Variants in MAP1B observed in about 807,000 individuals in gnomAD.
MAP1B encodes the protein microtubule-associated protein 1B.
In MAP1B, 12 loss-of-function variants were observed where a neutral mutation model predicts 176.1. The observed-to-expected ratio is 0.07, with a 90% CI of 0.04 to 0.11. The LOEUF (loss-of-function observed/expected upper bound fraction) is 0.11, where lower values mean the gene tolerates loss of function less well. MAP1B is among the 10% of genes least tolerant of loss of function. MAP1B has a pLI of 1.00. For synonymous variants in MAP1B, 1,044 were observed against 1,135.0 expected, an observed-to-expected ratio of 0.92 and a Z score of 1.61; for missense variants, 2,523 against 2,990.5, an observed-to-expected ratio of 0.84 and a Z score of 3.65.
intron 2 of MAP1B, among the ~76,000 whole-genome samples, chr5:72,123,396 T>C (rs1034510453): frequency 6.6e-6 from 1 of 151,612 alleles, no homozygotes; most frequent in East Asian, 1.9e-4. Context: ...CTCTGCCTCC[T>C]GGGATGAAGC....
chr5:72,191,101 C>T (rs1233531914), intron 4 of MAP1B, among the ~76,000 whole-genome samples: 1 of 152,146 alleles, frequency 6.6e-6, no homozygotes, highest in Admixed American at 6.5e-5. Flanking sequence ...TCTGAAGTAC[C>T]CACTCCAGGA....
Position 72,204,931 on chromosome 5 carries a change from A to G in MAP1B, c.7252-153A>G, listed in dbSNP as rs184247722. ...TTATTCTGGTTCCTGGAAAATATAC[A>G]TTGAAAAATCCTTTGCATTTCTTGA... On this transcript the variant is annotated intron_variant, in intron 6 of 6. Transcript: ENST00000296755. The surrounding 1 kb of genome is among the most constrained non-coding windows in gnomAD (Gnocchi z 4.4). 1.5e-4 allele frequency among the ~76,000 whole-genome samples: 23 copies of G among 152,334 alleles called. No individual in the cohort carries two copies. The East Asian group carries it at 3.7e-3, about 24-fold the overall frequency.
intron 2 of MAP1B, among the ~76,000 whole-genome samples, chr5:72,182,821 G>C (rs1746801230): frequency 6.6e-6 from 1 of 152,126 alleles, no homozygotes; most frequent in Non-Finnish European, 1.5e-5. Flanking sequence ...ACATTTCGGA[G>C]AGAACACCCA....
intron 2 of MAP1B, among the ~76,000 whole-genome samples, chr5:72,179,340 T>TGGAGAATGC (rs1322794606): frequency 6.6e-6 from 1 of 152,212 alleles, no homozygotes; most frequent in Non-Finnish European, 1.5e-5. Flanking sequence ...AGGTGTCGAA[T>TGGAGAATGC]GGAGAATGCG....
intron 2 of MAP1B, among the ~76,000 whole-genome samples, chr5:72,124,475 T>G (rs1293890898): frequency 6.6e-6 from 1 of 152,174 alleles, no homozygotes; most frequent in African/African-American, 2.4e-5. Context: ...TAAAAGTAAG[T>G]AATTAGGAAT....
At chr5:72,181,328 C>T (rs1456185896) in intron 2 of MAP1B, among the ~76,000 whole-genome samples, 1 of 151,942 alleles carries the variant, frequency 6.6e-6, no homozygotes, top group Non-Finnish European at 1.5e-5. Context: ...GAAAAAGAAC[C>T]AGTGTATCCT....
chr5:72,188,037 T>C (rs1388139648), intron 4 of MAP1B, among the ~76,000 whole-genome samples: 2 of 152,194 alleles, frequency 1.3e-5, no homozygotes, highest in African/African-American at 4.8e-5. Flanking sequence ...AAGCTTTGGC[T>C]GTGTCTTCTT....
At chr5:72,110,042 A>C (rs1745296713) in intron 1 of MAP1B, among the ~76,000 whole-genome samples, 1 of 152,222 alleles carries the variant, frequency 6.6e-6, no homozygotes, top group South Asian at 2.1e-4. Flanking sequence ...ACTTAGTGAC[A>C]AAATTCAGAT....
chr5:72,175,977 A>G (rs1192595050), intron 2 of MAP1B, among the ~76,000 whole-genome samples: 1 of 152,376 alleles, frequency 6.6e-6, no homozygotes, highest in African/African-American at 2.4e-5. Flanking sequence ...TTCTCTTAAG[A>G]AAACAAGTGT....
chr5:72,128,882 G>A (rs1745675326), intron 2 of MAP1B, among the ~76,000 whole-genome samples: 1 of 152,140 alleles, frequency 6.6e-6, no homozygotes, highest in Admixed American at 6.5e-5. Context: ...CAATCTCCTG[G>A]CCTCAAGCAG....
chr5:72,158,172 C>A (rs1035755658), intron 2 of MAP1B, among the ~76,000 whole-genome samples: 7 of 151,768 alleles, frequency 4.6e-5, no homozygotes, highest in Non-Finnish European at 1.0e-4. Context: ...CCTCGCCCGG[C>A]TAATTTTTTG....
intron 2 of MAP1B, among the ~76,000 whole-genome samples, chr5:72,176,178 T>G (rs1415314711): frequency 6.6e-6 from 1 of 152,232 alleles, no homozygotes; most frequent in Non-Finnish European, 1.5e-5. Flanking sequence ...GAGGCCATAG[T>G]GCCCTGCTGG....
At chr5:72,175,493 C>T (rs1746634896) in intron 2 of MAP1B, among the ~76,000 whole-genome samples, 1 of 152,294 alleles carries the variant, frequency 6.6e-6, no homozygotes, top group Non-Finnish European at 1.5e-5. Flanking sequence ...CAAGTTTCAA[C>T]ACCATCTACG....
intron 2 of MAP1B, among the ~76,000 whole-genome samples, chr5:72,150,826 A>T (rs1708016166): frequency 6.6e-6 from 1 of 152,214 alleles, no homozygotes; most frequent in African/African-American, 2.4e-5. Context: ...TGCAAAGGAC[A>T]TGATCTCACT....
At chr5:72,201,199 CA>C (rs754841956) in intron 5 of MAP1B, among the ~76,000 whole-genome samples, 94 of 135,224 alleles carry the variant, frequency 7.0e-4, no homozygotes, top group Admixed American at 1.1e-3. Context: ...CCTGTCTCCA[CA>C]AAAAAAAAAA....
At chr5:72,118,174 A>C (rs1053701150) in intron 2 of MAP1B, among the ~76,000 whole-genome samples, 1 of 152,156 alleles carries the variant, frequency 6.6e-6, no homozygotes, top group Non-Finnish European at 1.5e-5. Context: ...TTAGAGTTTC[A>C]AGAATCTTTC....
chr5:72,125,891 C>G (rs960817182), intron 2 of MAP1B, among the ~76,000 whole-genome samples: 2 of 152,038 alleles, frequency 1.3e-5, no homozygotes. Context: ...AAGAATTCAC[C>G]CTTCTGAAAT....
At chr5:72,183,692 A>T (rs1294421647) in intron 2 of MAP1B, 51 bp from the exon 3 acceptor site, 1 of 1,470,014 alleles carries the variant, frequency 6.8e-7, no homozygotes, top group Non-Finnish European at 9.5e-7. Context: ...GGCAGTTTTT[A>T]TCTGGAAAAG....
intron 1 of MAP1B, among the ~76,000 whole-genome samples, chr5:72,115,177 T>G (rs1531310): frequency 0.75 from 114,032 of 151,996 alleles, 42,922 homozygotes; most frequent in African/African-American, 0.82. Context: ...AAAACGGGAT[T>G]GGTAAAGGAA....
Sources: gnomAD v4.1 joint callset for allele counts (sites outside exome capture counted in the v4.1 genomes callset) on GRCh38, gnomAD v4.1.1 for gene constraint, Gnocchi (gnomAD v3.1) non-coding constraint, MANE v1.5 for transcripts, NCBI Gene and HGNC (gene_info 2026-07-23, HGNC 2026-07-21) for gene names.